Variants in PPP1R9A observed in about 807,000 individuals in gnomAD.
The protein encoded by PPP1R9A is neurabin-1.
Under a neutral mutation model 141.9 loss-of-function variants are expected in PPP1R9A, and 59 were observed. The ratio of observed to expected loss-of-function variants is 0.42; its 90% CI spans 0.34 to 0.52. The LOEUF (loss-of-function observed/expected upper bound fraction) is 0.52, where lower values mean the gene tolerates loss of function less well. PPP1R9A is among the 20% of genes least tolerant of loss of function. The pLI, the probability that PPP1R9A is intolerant of heterozygous loss-of-function variation, is 0.10. For missense variants in PPP1R9A, 1,444 were observed against 1,611.9 expected, an observed-to-expected ratio of 0.90 and a Z score of 1.78; for synonymous variants, 500 against 569.7, an observed-to-expected ratio of 0.88 and a Z score of 1.74.
At chr7:94,964,002 G>C (rs1184131099) in intron 2 of PPP1R9A, among the ~76,000 whole-genome samples, 2 of 152,152 alleles carry the variant, frequency 1.3e-5, no homozygotes, top group Non-Finnish European at 2.9e-5. Context: ...AAGAGGGTTG[G>C]AGGGGTCTTT....
intron 8 of PPP1R9A, among the ~76,000 whole-genome samples, chr7:95,229,793 C>T (rs1795662336): frequency 6.6e-6 from 1 of 152,090 alleles, no homozygotes; most frequent in Non-Finnish European, 1.5e-5. Flanking sequence ...AAATTTGCAT[C>T]CTCCCTATAG....
chr7:95,225,822 G>A, intron 7 of PPP1R9A, 139 bp from the exon 8 acceptor site: 1 of 764,604 alleles, frequency 1.3e-6, no homozygotes, highest in Non-Finnish European at 2.0e-6. Context: ...GGCTGCATGA[G>A]GCATGCTTGG....
chr7:95,220,209 T>A (rs1199114694), intron 7 of PPP1R9A, among the ~76,000 whole-genome samples: 1 of 152,078 alleles, frequency 6.6e-6, no homozygotes, highest in Admixed American at 6.6e-5. Context: ...GGCCTCTGGA[T>A]GGTTGGTGCA....
At chr7:94,959,662 G>C (rs1028391963) in intron 2 of PPP1R9A, among the ~76,000 whole-genome samples, 1 of 151,556 alleles carries the variant, frequency 6.6e-6, no homozygotes, top group Non-Finnish European at 1.5e-5. Flanking sequence ...GTGCTAATAA[G>C]ATTTCTACTT....
At chr7:95,020,367 G>A (rs1002907989) in intron 2 of PPP1R9A, among the ~76,000 whole-genome samples, 5 of 151,978 alleles carry the variant, frequency 3.3e-5, no homozygotes, top group African/African-American at 9.7e-5. Context: ...AATTTAAAAC[G>A]AAGATATAAA....
At chr7:95,252,479 T>C (rs1371302828) in intron 12 of PPP1R9A, among the ~76,000 whole-genome samples, 2 of 147,724 alleles carry the variant, frequency 1.4e-5, no homozygotes, top group Non-Finnish European at 3.0e-5. Flanking sequence ...TTTTTTTTTT[T>C]TTTTTTTTTT....
chr7:95,274,597 G>A (rs1228544656), intron 16 of PPP1R9A, among the ~76,000 whole-genome samples: 7 of 152,166 alleles, frequency 4.6e-5, no homozygotes, highest in African/African-American at 1.4e-4. Context: ...TTGTCCACAT[G>A]TATGTAGGAG....
Position 95,155,184 on chromosome 7 carries a change from T to A in PPP1R9A, c.1650-6683T>A, listed in dbSNP as rs1030905385. On this transcript the variant is annotated intron_variant, in intron 4 of 19. Transcript: ENST00000433360. ...TTCTATTGCCTTTTTTTTCTTTTTT[T>A]CTTTTTTTTTTTTTTTTTTTGAGAC... 3.3e-5 allele frequency: 4 copies of A among 121,026 alleles called. No homozygotes were observed. The East Asian group carries it at 1.0e-3, about 32-fold the overall frequency. The allele number at this position is 121,026 out of a possible 1,614,324, so 7.5% of individuals were successfully genotyped here.
chr7:95,109,742 G>A (rs1045711922), intron 2 of PPP1R9A, among the ~76,000 whole-genome samples: 1 of 151,672 alleles, frequency 6.6e-6, no homozygotes, highest in African/African-American at 2.4e-5. Flanking sequence ...TACTCAGGAG[G>A]CTACAGTGGG....
intron 4 of PPP1R9A, among the ~76,000 whole-genome samples, chr7:95,146,121 G>A (rs1827564256): frequency 6.6e-6 from 1 of 152,192 alleles, no homozygotes; most frequent in South Asian, 2.1e-4. Context: ...CACCGGCAGT[G>A]TAAAAGCATT....
intron 2 of PPP1R9A, among the ~76,000 whole-genome samples, chr7:95,001,250 T>G (rs1802879067): frequency 6.6e-6 from 1 of 152,168 alleles, no homozygotes; most frequent in Admixed American, 6.5e-5. Flanking sequence ...AAGTAACATT[T>G]CTTTATATAG....
At chr7:95,067,225 G>A (rs773980212) in intron 2 of PPP1R9A, among the ~76,000 whole-genome samples, 2 of 152,280 alleles carry the variant, frequency 1.3e-5, no homozygotes, top group African/African-American at 2.4e-5. Context: ...AAATGAAGAA[G>A]GAAAATGTGG....
intron 2 of PPP1R9A, among the ~76,000 whole-genome samples, chr7:95,091,395 G>A (rs941724790): frequency 7.2e-6 from 1 of 137,934 alleles, no homozygotes; most frequent in Non-Finnish European, 1.5e-5. Context: ...CCAGGCTGGA[G>A]TGCAGTGGCA....
At position 95,285,686 on chromosome 7, in the gene PPP1R9A, C is replaced by T. The variant is rs13437924; in HGVS notation, c.3610-520C>T. On this transcript the variant is annotated intron_variant, in intron 17 of 19. Coordinates refer to ENST00000433360, the MANE Select transcript of PPP1R9A (RefSeq NM_001166160.2). ...CTAGTGTATTGTCAGGCTGTGACCT[C>T]CCCCAGAACTCATCATCTTGAAGGG... 7.1e-3 allele frequency among the ~76,000 whole-genome samples: 1,083 copies of T among 152,258 alleles called. 14 individuals are homozygous for T. Among genetic ancestry groups the T allele is most frequent in the African/African-American group, 0.025 (1,033 of 41,542 alleles).
At chr7:95,134,815 C>A (rs750543937) in intron 4 of PPP1R9A, among the ~76,000 whole-genome samples, 1 of 152,106 alleles carries the variant, frequency 6.6e-6, no homozygotes, top group Non-Finnish European at 1.5e-5. Context: ...TTTTTCTTGG[C>A]AAATTTCCTT....
At chr7:94,991,438 G>C (rs1416907532) in intron 2 of PPP1R9A, among the ~76,000 whole-genome samples, 1 of 152,000 alleles carries the variant, frequency 6.6e-6, no homozygotes, top group Non-Finnish European at 1.5e-5. Context: ...TCTCCTGTCA[G>C]ATGAATAGTT....
At chr7:95,123,080 G>T (rs1822920646) in intron 4 of PPP1R9A, among the ~76,000 whole-genome samples, 3 of 151,086 alleles carry the variant, frequency 2.0e-5, no homozygotes, top group African/African-American at 4.9e-5. Flanking sequence ...ATAAAATTTT[G>T]CATTTAGTAG....
intron 4 of PPP1R9A, among the ~76,000 whole-genome samples, chr7:95,142,232 T>C (rs1339470810): frequency 6.6e-6 from 1 of 152,158 alleles, no homozygotes; most frequent in East Asian, 1.9e-4. Context: ...TTAGAGTTTT[T>C]TATGATATTC....
At chr7:95,240,462 A>T (rs1264064186) in intron 8 of PPP1R9A, among the ~76,000 whole-genome samples, 1 of 144,378 alleles carries the variant, frequency 6.9e-6, no homozygotes, top group Non-Finnish European at 1.5e-5. Flanking sequence ...ACGTTTTTTT[A>T]TGGTTTTATT....
Sources: gnomAD v4.1 joint callset for allele counts (sites outside exome capture counted in the v4.1 genomes callset) on GRCh38, gnomAD v4.1.1 for gene constraint, MANE v1.5 for transcripts, NCBI Gene and HGNC (gene_info 2026-07-23, HGNC 2026-07-21) for gene names.